The following DOCK10 variants were observed in gnomAD, a reference collection of about 807,000 sequenced individuals.
DOCK10 encodes dedicator of cytokinesis 10.
A neutral mutation model predicts 280.1 loss-of-function variants in DOCK10; 145 were observed. The observed-to-expected ratio is 0.52, with a 90% CI of 0.45 to 0.59. DOCK10 has a LOEUF of 0.59. DOCK10 is among the 20% of genes least tolerant of loss of function. The probability of loss-of-function intolerance (pLI) is 0.00; values close to 1 mark genes in which losing one functional copy is unlikely to be tolerated. For synonymous variants in DOCK10, 915 were observed against 942.2 expected (o/e 0.97, Z 0.53); for missense variants, 2,368 against 2,651.7 (o/e 0.89, Z 2.35).
chr2:224,999,255 T>C (rs938418230), intron 1 of DOCK10, among the ~76,000 whole-genome samples: 20 of 152,036 alleles, frequency 1.3e-4, no homozygotes, highest in African/African-American at 4.6e-4. Flanking sequence ...TCTCTCTTTT[T>C]TTTTTTCAAT....
chr2:224,955,594 T>A (rs551963759), intron 1 of DOCK10, among the ~76,000 whole-genome samples: 1 of 152,370 alleles, frequency 6.6e-6, no homozygotes, highest in African/African-American at 2.4e-5. Context: ...CACCAGGAGA[T>A]AAAGCTAATA....
chr2:224,920,050 A>G (rs1422823211), intron 2 of DOCK10, among the ~76,000 whole-genome samples: 1 of 151,954 alleles, frequency 6.6e-6, no homozygotes, highest in Non-Finnish European at 1.5e-5. Flanking sequence ...GCCAATTTGG[A>G]TCTTATTATT....
intron 1 of DOCK10, among the ~76,000 whole-genome samples, chr2:224,948,949 G>C (rs933020968): frequency 1.3e-5 from 2 of 152,144 alleles, no homozygotes; most frequent in Non-Finnish European, 2.9e-5. Flanking sequence ...TTATCCTAGA[G>C]TTCCTCCCAC....
At chr2:225,019,445 CTTTTTTT>C (rs11399371) in intron 1 of DOCK10, among the ~76,000 whole-genome samples, 1 of 139,694 alleles carries the variant, frequency 7.2e-6, no homozygotes, top group African/African-American at 2.7e-5. Flanking sequence ...GTGGTTTAAT[CTTTTTTT>C]TTTTTTTTTC....
chr2:225,002,202 T>C (rs1706449451), intron 1 of DOCK10, among the ~76,000 whole-genome samples: 1 of 152,326 alleles, frequency 6.6e-6, no homozygotes, highest in Admixed American at 6.5e-5. Context: ...CCGATACCAC[T>C]TGTTTACCTG....
intron 2 of DOCK10, among the ~76,000 whole-genome samples, chr2:224,920,455 T>C (rs895461547): frequency 1.3e-5 from 2 of 152,112 alleles, no homozygotes; most frequent in Admixed American, 6.6e-5. Flanking sequence ...AGAAGATAAA[T>C]AGTAAATAAA....
At chr2:224,931,733 T>C in intron 1 of DOCK10, 65 bp from the exon 2 acceptor site, 2 of 1,484,190 alleles carry the variant, frequency 1.3e-6, no homozygotes, top group South Asian at 1.3e-5. Context: ...TATGCCTGGT[T>C]GGATTTCATC....
At chr2:224,996,762 C>T (rs1170498530) in intron 1 of DOCK10, among the ~76,000 whole-genome samples, 5 of 152,188 alleles carry the variant, frequency 3.3e-5, no homozygotes, top group Admixed American at 2.0e-4. Context: ...GAGCAGCTTT[C>T]GAACTTGACT....
chr2:224,834,864 T>G (rs900689507), intron 25 of DOCK10, among the ~76,000 whole-genome samples: 1 of 152,226 alleles, frequency 6.6e-6, no homozygotes, highest in Non-Finnish European at 1.5e-5. Context: ...CAGTATTTCT[T>G]CATCTCTTAA....
At chr2:224,837,021 T>C (rs370464475) in intron 25 of DOCK10, among the ~76,000 whole-genome samples, 2 of 152,150 alleles carry the variant, frequency 1.3e-5, no homozygotes, top group South Asian at 2.1e-4. Flanking sequence ...AATCTATGCA[T>C]AGGAAAAAAA....
intron 50 of DOCK10, among the ~76,000 whole-genome samples, chr2:224,780,278 C>T (rs766407848): frequency 5.3e-5 from 8 of 152,144 alleles, no homozygotes; most frequent in Non-Finnish European, 1.0e-4. Flanking sequence ...ACATGACTTC[C>T]AGCCTGCTAT....
chr2:224,896,646 G>A (rs1049576688), intron 3 of DOCK10, among the ~76,000 whole-genome samples: 2 of 152,194 alleles, frequency 1.3e-5, no homozygotes, highest in African/African-American at 4.8e-5. Flanking sequence ...GAACCCAGGA[G>A]GTGGAGGTTG....
intron 44 of DOCK10, among the ~76,000 whole-genome samples, chr2:224,795,359 T>G (rs1367437122): frequency 2.0e-5 from 3 of 152,230 alleles, no homozygotes; most frequent in Admixed American, 1.3e-4. Flanking sequence ...TTGAGATATA[T>G]TCCCCTTCCT....
At chr2:224,898,733 C>T (rs1305066601) in intron 3 of DOCK10, among the ~76,000 whole-genome samples, 3 of 152,134 alleles carry the variant, frequency 2.0e-5, no homozygotes, top group African/African-American at 7.2e-5. Context: ...CCCGCCACCA[C>T]GCCGGGCTAA....
chr2:224,864,665 G>A lies in DOCK10; in HGVS notation c.1490C>T (p.Ser497Phe). The A allele has an allele frequency of 6.2e-7, 1 of 1,611,418 alleles. No homozygotes were observed. Among genetic ancestry groups the A allele is most frequent in the African/African-American group, 1.3e-5 (1 of 74,744 alleles). The change falls in exon 13 of 56, where the codon TCT (serine) becomes TTT (phenylalanine). Residue 497 changes from serine (S) to phenylalanine (F), a missense_variant. Coordinates refer to ENST00000258390, the MANE Select transcript of DOCK10 (RefSeq NM_014689.3). ...WLKFPKQAVF[S>F]VSNPHSEIVL... ...AATTTCAGAATGTGGATTGCTTACAGAAAATACAGCCTGTGTACAAAGAAA... is the reference window on the plus strand; with the variant it reads ...AATTTCAGAATGTGGATTGCTTACAAAAAATACAGCCTGTGTACAAAGAAA...
chr2:224,773,258 C>T lies in DOCK10; in HGVS notation c.6103G>A (p.Glu2035Lys), dbSNP rs367559973. ...ELNPIEVAIDEMSKKVSELNQ... is the reference protein window; with the variant it reads ...ELNPIEVAIDKMSKKVSELNQ... ...AGCTCAGAAACCTTCTTGGACATCT[C>T]GTCAATTGCCACTTCAATTGGATTC... Residue 2035 changes from glutamate (E) to lysine (K), a missense_variant, in exon 53 of 56, where the codon GAG becomes AAG. Glu to Lys is a moderately conservative substitution (Grantham distance 56). This residue lies in a region of DOCK10 where 1,159 missense variants were observed against 1,400.8 expected (regional missense o/e 0.83). Coordinates refer to ENST00000258390, the MANE Select transcript of DOCK10 (RefSeq NM_014689.3). 4 of 1,613,958 alleles carry T rather than the reference C, an allele frequency of 2.5e-6. No homozygotes were observed. The highest frequency in any genetic ancestry group is 2.5e-6 in the Non-Finnish European group (3 of 1,179,880).
intron 7 of DOCK10, among the ~76,000 whole-genome samples, chr2:224,881,737 T>C (rs1479408597): frequency 6.6e-6 from 1 of 152,252 alleles, no homozygotes; most frequent in Non-Finnish European, 1.5e-5. Context: ...TTGGTTCTTA[T>C]TGTTCTCGGA....
intron 1 of DOCK10, chr2:224,983,592 A>G: frequency 3.0e-6 from 1 of 330,802 alleles, no homozygotes. Context: ...TTTTGCTGTA[A>G]CGTGTGGCCG....
intron 2 of DOCK10, among the ~76,000 whole-genome samples, chr2:224,924,418 C>T (rs1325803562): frequency 6.6e-6 from 1 of 152,160 alleles, no homozygotes; most frequent in African/African-American, 2.4e-5. Context: ...TATGGATTTG[C>T]CTATTTTGAA....
Sources: allele counts gnomAD v4.1 joint callset (sites outside exome capture counted in the v4.1 genomes callset), GRCh38; gene constraint gnomAD v4.1.1; regional missense constraint gnomAD v4.1.1; transcripts MANE v1.5; gene names NCBI Gene and HGNC (gene_info 2026-07-23, HGNC 2026-07-21).